The following PTPRK variants were observed in gnomAD, a reference collection of about 807,000 sequenced individuals.
PTPRK encodes protein tyrosine phosphatase receptor type K.
A neutral mutation model predicts 178.0 loss-of-function variants in PTPRK; 75 were observed. The observed-to-expected ratio is 0.42, with a 90% CI of 0.35 to 0.51. PTPRK has a LOEUF of 0.51. PTPRK is among the 20% of genes least tolerant of loss of function. The pLI, the probability that PTPRK is intolerant of heterozygous loss-of-function variation, is 0.02. For missense variants in PTPRK, 1,441 were observed against 1,797.8 expected, an observed-to-expected ratio of 0.80 and a Z score of 3.59; for synonymous variants, 637 against 620.6, an observed-to-expected ratio of 1.03 and a Z score of -0.39.
At chr6:128,049,327 C>T (rs969577642) in intron 13 of PTPRK, among the ~76,000 whole-genome samples, 6 of 152,144 alleles carry the variant, frequency 3.9e-5, no homozygotes, top group African/African-American at 1.2e-4. Context: ...AAACTACTTA[C>T]ATAAACAGAT....
At chr6:128,301,775 A>G (rs1384031540) in intron 3 of PTPRK, among the ~76,000 whole-genome samples, 3 of 152,340 alleles carry the variant, frequency 2.0e-5, no homozygotes, top group Non-Finnish European at 2.9e-5. Flanking sequence ...GTTGGAGATC[A>G]TCATTGATCA....
chr6:128,047,661 ATG>A (rs1562490744), intron 13 of PTPRK, among the ~76,000 whole-genome samples: 1 of 152,222 alleles, frequency 6.6e-6, no homozygotes, highest in Non-Finnish European at 1.5e-5. Context: ...ATTAGGTTAC[ATG>A]AACTTTAAGT....
At chr6:128,200,229 C>T (rs1291645216) in intron 6 of PTPRK, among the ~76,000 whole-genome samples, 1 of 152,110 alleles carries the variant, frequency 6.6e-6, no homozygotes, top group African/African-American at 2.4e-5. Context: ...TGCATTGCCA[C>T]TGTTAGTTCA....
intron 13 of PTPRK, among the ~76,000 whole-genome samples, chr6:128,060,280 T>G (rs1465362650): frequency 6.6e-6 from 1 of 152,176 alleles, no homozygotes; most frequent in African/African-American, 2.4e-5. Flanking sequence ...TATTCAGAGC[T>G]ATTATTTCTA....
intron 7 of PTPRK, among the ~76,000 whole-genome samples, chr6:128,100,519 A>T (rs1389212167): frequency 1.3e-5 from 2 of 152,092 alleles, no homozygotes; most frequent in South Asian, 4.1e-4. Flanking sequence ...ACATCCATAC[A>T]CTGAAACATT....
intron 1 of PTPRK, among the ~76,000 whole-genome samples, chr6:128,474,304 A>C (rs1851102342): frequency 6.6e-6 from 1 of 152,096 alleles, no homozygotes; most frequent in African/African-American, 2.4e-5. Flanking sequence ...AAGGGTTCTC[A>C]TATGAAAGAA....
At chr6:128,413,686 C>A (rs143549726) in intron 1 of PTPRK, among the ~76,000 whole-genome samples, 2 of 152,098 alleles carry the variant, frequency 1.3e-5, no homozygotes, top group African/African-American at 4.8e-5. Flanking sequence ...CACTGGAAAT[C>A]GGAATTGAGA....
chr6:128,184,682 C>A lies in PTPRK; in HGVS notation c.912G>T (p.Gly304=), dbSNP rs371367033. Residue 304 remains glycine (G), a synonymous_variant, in exon 7 of 30, where the codon GGG becomes GGT. Transcript: ENST00000368226. ...TTAGTTGGATCAGCAAATATGTAGGCCCAACACCAAGAAGCTGAGGAGGAG... is the reference window on the plus strand; with the variant it reads ...TTAGTTGGATCAGCAAATATGTAGGACCAACACCAAGAAGCTGAGGAGGAG... ...PIAPPQLLGV[G]PTYLLIQLNA... The A allele has an allele frequency of 8.7e-6, 14 of 1,613,738 alleles. No individual in the cohort carries two copies. Among genetic ancestry groups the A allele is most frequent in the Non-Finnish European group, 1.2e-5 (14 of 1,179,912 alleles).
At chr6:128,293,908 A>G (rs1007669439) in intron 3 of PTPRK, among the ~76,000 whole-genome samples, 2 of 152,130 alleles carry the variant, frequency 1.3e-5, no homozygotes, top group Non-Finnish European at 2.9e-5. Flanking sequence ...TTGTGCATAC[A>G]TTGTGATCAG....
At chr6:128,319,929 T>C (rs2128320048) in intron 3 of PTPRK, among the ~76,000 whole-genome samples, 1 of 152,280 alleles carries the variant, frequency 6.6e-6, no homozygotes, top group South Asian at 2.1e-4. Flanking sequence ...AAGTACTCTG[T>C]TGTTTGCTCT....
At chr6:128,058,855 T>A (rs1780346736) in intron 13 of PTPRK, among the ~76,000 whole-genome samples, 1 of 152,036 alleles carries the variant, frequency 6.6e-6, no homozygotes, top group Admixed American at 6.6e-5. Context: ...TATTTTTTTA[T>A]ATAGTGTGAG....
intron 7 of PTPRK, among the ~76,000 whole-genome samples, chr6:128,118,415 A>C (rs1405134632): frequency 1.3e-5 from 2 of 152,228 alleles, no homozygotes; most frequent in Admixed American, 6.5e-5. Context: ...TCAGAAAAGC[A>C]GGAAGAATGC....
chr6:127,996,063 T>G (rs1232771701), intron 17 of PTPRK, among the ~76,000 whole-genome samples: 1 of 152,074 alleles, frequency 6.6e-6, no homozygotes, highest in Non-Finnish European at 1.5e-5. Context: ...AGTTACAAGT[T>G]AAACTATCTG....
intron 2 of PTPRK, among the ~76,000 whole-genome samples, chr6:128,357,480 G>A (rs974070473): frequency 4.6e-5 from 7 of 152,178 alleles, no homozygotes; most frequent in Admixed American, 4.6e-4. Flanking sequence ...GCAGGAGAGA[G>A]ATATGGGGAG....
chr6:128,125,838 G>T (rs914883340), intron 7 of PTPRK, among the ~76,000 whole-genome samples: 5 of 151,670 alleles, frequency 3.3e-5, no homozygotes, highest in Admixed American at 6.6e-5. Context: ...TCGAACCCCT[G>T]ACCTCATGAT....
chr6:128,018,074 A>C (rs75923851), intron 13 of PTPRK, among the ~76,000 whole-genome samples: 2 of 151,562 alleles, frequency 1.3e-5, no homozygotes, highest in African/African-American at 4.8e-5. Flanking sequence ...CCATAACCCA[A>C]ATAAAAATTG....
chr6:128,349,920 G>A (rs912649934), intron 2 of PTPRK, among the ~76,000 whole-genome samples: 1 of 152,098 alleles, frequency 6.6e-6, no homozygotes, highest in Non-Finnish European at 1.5e-5. Flanking sequence ...GTTTTGCACA[G>A]AGAAACAGGG....
At chr6:128,151,713 T>C (rs1797274584) in intron 7 of PTPRK, among the ~76,000 whole-genome samples, 3 of 152,014 alleles carry the variant, frequency 2.0e-5, no homozygotes, top group African/African-American at 2.4e-5. Flanking sequence ...TTAGGAAAAT[T>C]AGATTTAACT....
intron 4 of PTPRK, 100 bp from the exon 5 acceptor site, chr6:128,240,250 T>C (rs1229481358): frequency 1.1e-6 from 1 of 899,498 alleles, no homozygotes; most frequent in Admixed American, 2.4e-5. Flanking sequence ...GTTTTTACCT[T>C]TGGCCAAGAC....
Sources: allele counts gnomAD v4.1 joint callset (sites outside exome capture counted in the v4.1 genomes callset), GRCh38; gene constraint gnomAD v4.1.1; transcripts MANE v1.5; gene names NCBI Gene and HGNC (gene_info 2026-07-23, HGNC 2026-07-21).